ALS2: variants seen among roughly 807,000 people sequenced by gnomAD.
ALS2 encodes alsin Rho guanine nucleotide exchange factor ALS2, also known as alsin.
Under a neutral mutation model 203.4 loss-of-function variants are expected in ALS2, and 117 were observed. The ratio of observed to expected loss-of-function variants is 0.58; its 90% confidence interval spans 0.50 to 0.67. The LOEUF (loss-of-function observed/expected upper bound fraction) is 0.67. ALS2 is among the 30% of genes least tolerant of loss of function. ALS2 has a pLI of 0.00. For synonymous variants in ALS2, 718 were observed against 725.9 expected (o/e 0.99, Z 0.17); for missense variants, 1,715 against 1,989.4 (o/e 0.86, Z 2.62).
intron 5 of ALS2, among the ~76,000 whole-genome samples, chr2:201,755,179 A>G (rs1476576642): frequency 6.6e-6 from 1 of 152,200 alleles, no homozygotes; most frequent in Non-Finnish European, 1.5e-5. Context: ...TTCCTTGAGC[A>G]CAGGAGTTTG....
intron 15 of ALS2, 60 bp downstream of exon 15, chr2:201,728,452 G>A: frequency 6.2e-7 from 1 of 1,601,428 alleles, no homozygotes; most frequent in Non-Finnish European, 8.6e-7. Flanking sequence ...TGATAGTACA[G>A]TTAATAAGGA....
At chr2:201,768,799 A>C in intron 2 of ALS2, 67 bp downstream of exon 2, 2 of 1,390,534 alleles carry the variant, frequency 1.4e-6, no homozygotes, top group Non-Finnish European at 2.0e-6. Flanking sequence ...AAGAGAAGCT[A>C]CACATATGTG....
intron 19 of ALS2, 68 bp from the exon 20 acceptor site, chr2:201,725,522 T>A: frequency 1.6e-6 from 2 of 1,252,514 alleles, no homozygotes; most frequent in South Asian, 2.4e-5. Context: ...TGTATGTATA[T>A]CCTGGTAAAC....
chr2:201,767,190 C>A, intron 3 of ALS2, 39 bp downstream of exon 3: 1 of 1,613,374 alleles, frequency 6.2e-7, no homozygotes, highest in East Asian at 2.2e-5. Context: ...CATTTGTTAG[C>A]ATTGCAGTTC....
At chr2:201,741,912 T>C (rs1222148009) in intron 10 of ALS2, 58 bp from the exon 11 acceptor site, 11 of 1,428,536 alleles carry the variant, frequency 7.7e-6, no homozygotes, top group East Asian at 4.6e-5. Flanking sequence ...CACTTTATTA[T>C]GATGTGATTA....
chr2:201,724,784 A>G (rs1691044115), intron 20 of ALS2, among the ~76,000 whole-genome samples: 1 of 152,202 alleles, frequency 6.6e-6, no homozygotes, highest in South Asian at 2.1e-4. Context: ...ATTATAGATA[A>G]GACCATTTTT....
chr2:201,737,124 T>C (rs1034543835), intron 12 of ALS2, among the ~76,000 whole-genome samples: 1 of 152,182 alleles, frequency 6.6e-6, no homozygotes, highest in East Asian at 1.9e-4. Flanking sequence ...ATAAAAAAAT[T>C]ATGTTTCTAC....
rs1320713844 is a variant in ALS2, at chr2:201,726,560, T to C, written c.3183-11A>G. 8.7e-6 allele frequency: 14 copies of C among 1,613,380 alleles called. No individual in the cohort carries two copies. The highest frequency in any genetic ancestry group is 1.2e-5 in the Non-Finnish European group (14 of 1,179,400). On this transcript the variant is annotated splice_polypyrimidine_tract_variant and intron_variant, in intron 18 of 33. Transcript: ENST00000264276. Reference sequence around the variant, plus strand: ...CACTTCAAAACCCCTCTGGAATGCATAAGCAAAGAATAATGCATGTCAACT... The same window carrying C: ...CACTTCAAAACCCCTCTGGAATGCACAAGCAAAGAATAATGCATGTCAACT...
At chr2:201,720,600 GTTA>G (rs926193513) in intron 23 of ALS2, among the ~76,000 whole-genome samples, 10 of 149,900 alleles carry the variant, frequency 6.7e-5, no homozygotes, top group Non-Finnish European at 1.3e-4. Context: ...TATAGTCCCA[GTTA>G]CTTGGGGGGC....
intron 7 of ALS2, among the ~76,000 whole-genome samples, chr2:201,751,904 T>C (rs972416147): frequency 2.0e-5 from 3 of 152,182 alleles, no homozygotes; most frequent in African/African-American, 7.2e-5. Flanking sequence ...AGTCTTGTTT[T>C]CCCAACTGAA....
chr2:201,708,561 C>T (rs1689863629), intron 27 of ALS2, among the ~76,000 whole-genome samples: 2 of 152,074 alleles, frequency 1.3e-5, no homozygotes, highest in Non-Finnish European at 1.5e-5. Context: ...ACACACTCCC[C>T]GCTTTTAGAG....
In ALS2 at chr2:201,715,772, G is replaced by A. The variant is rs759509511; in HGVS notation, c.3904C>T (p.Arg1302Cys). ...KWKAVFDECWRQLGCEGPGQG... is the reference protein window; with the variant it reads ...KWKAVFDECWCQLGCEGPGQG... The stretch of plus-strand genomic sequence containing the variant: ...CCTGGGCCCTCACAGCCCAGTTGGC[G>A]CCAACATTCGTCAAACACCGCTTTC... The change falls in exon 25 of 34, where the codon CGC (arginine) becomes TGC (cysteine). Residue 1302 changes from arginine to cysteine, a missense_variant. By Grantham distance (180) the Arg-to-Cys change is radical. Transcript: ENST00000264276. 7.4e-6 allele frequency: 12 copies of A among 1,614,068 alleles called. No individual in the cohort carries two copies. The highest frequency in any genetic ancestry group is 3.3e-5 in the South Asian group (3 of 91,076).
chr2:201,738,831 T>G, intron 11 of ALS2, 96 bp from the exon 12 acceptor site: 1 of 1,080,820 alleles, frequency 9.3e-7, no homozygotes, highest in South Asian at 1.3e-5. Flanking sequence ...TCTTGATTAT[T>G]TCACCAATGA....
At chr2:201,710,935 T>C (rs1188653527) in intron 26 of ALS2, 56 bp downstream of exon 26, 22 of 1,037,568 alleles carry the variant, frequency 2.1e-5, no homozygotes, top group African/African-American at 4.7e-5. Context: ...GAATGATATA[T>C]TGTGGTAGGT....
intron 9 of ALS2, 35 bp from the exon 10 acceptor site, chr2:201,744,464 CAT>C (rs749197982): frequency 1.3e-6 from 2 of 1,595,070 alleles, no homozygotes; most frequent in African/African-American, 1.4e-5. Context: ...TTAAATATAA[CAT>C]ATAATTATGT....
chr2:201,768,942 A>C lies in ALS2; in HGVS notation c.-57T>G, dbSNP rs1694240175. 6.6e-7 allele frequency: 1 copy of C among 1,525,994 alleles called. No homozygotes were observed. The highest frequency in any genetic ancestry group is 1.7e-5 in the Admixed American group (1 of 59,734). The allele number at this position is 1,525,994 out of a possible 1,614,324, so 94.5% of individuals were successfully genotyped here. ...TTCCTTCTTTACAGAAAGTCTATCA[A>C]GACCTAAACAGTACAAGTAAGGAAA... On this transcript the variant is annotated 5_prime_UTR_variant, in exon 2 of 34. Coordinates refer to ENST00000264276, the MANE Select transcript of ALS2 (RefSeq NM_020919.4).
chr2:201,755,674 G>C (rs1693337587), intron 5 of ALS2, among the ~76,000 whole-genome samples: 1 of 152,150 alleles, frequency 6.6e-6, no homozygotes, highest in African/African-American at 2.4e-5. Flanking sequence ...ACATTTCTGA[G>C]ACGGGAAAAA....
chr2:201,718,176 T>G lies in ALS2; in HGVS notation c.3737A>C (p.Glu1246Ala). ...TLTMPNGDYI[E>A]GYFSGEWGSG... ...TCCCCATTCTCCACTAAAATAACCTTCAATGTAGTCTCCATTTGGCATAGT... is the reference window on the plus strand; with the variant it reads ...TCCCCATTCTCCACTAAAATAACCTGCAATGTAGTCTCCATTTGGCATAGT... Residue 1246 changes from glutamate (E) to alanine (A), a missense_variant, in exon 24 of 34, where the codon GAA becomes GCA. Glu to Ala is a moderately radical substitution (Grantham distance 107). Coordinates refer to ENST00000264276, the MANE Select transcript of ALS2 (RefSeq NM_020919.4). 7 of 1,613,626 alleles carry G rather than the reference T, an allele frequency of 4.3e-6. No individual in the cohort carries two copies. The highest frequency in any genetic ancestry group is 5.9e-6 in the Non-Finnish European group (7 of 1,179,574).
intron 27 of ALS2, among the ~76,000 whole-genome samples, chr2:201,708,348 G>A (rs1349104893): frequency 6.6e-6 from 1 of 152,122 alleles, no homozygotes; most frequent in East Asian, 1.9e-4. Flanking sequence ...GAAATTAAGT[G>A]TCCAACATTA....
Sources: allele counts gnomAD v4.1 joint callset (sites outside exome capture counted in the v4.1 genomes callset), GRCh38; gene constraint gnomAD v4.1.1; transcripts MANE v1.5; gene names NCBI Gene and HGNC (gene_info 2026-07-23, HGNC 2026-07-21).